Variants in BAZ1B observed in about 807,000 individuals in gnomAD.
BAZ1B encodes the protein tyrosine-protein kinase BAZ1B.
BAZ1B carries 22 observed loss-of-function variants against 153.8 expected under a neutral mutation model. That is an observed-to-expected ratio of 0.14 (90% CI 0.10 to 0.20). The LOEUF is 0.20. Among genes scored for constraint, BAZ1B ranks in the 10% least tolerant of loss-of-function variants. BAZ1B has a pLI of 1.00. For missense variants in BAZ1B, 1,325 were observed against 1,799.3 expected (o/e 0.74, Z 4.77); for synonymous variants, 676 against 633.4 (o/e 1.07, Z -1.01).
At chr7:73,488,847 G>A (rs1190357961) in intron 6 of BAZ1B, among the ~76,000 whole-genome samples, 7 of 151,820 alleles carry the variant, frequency 4.6e-5, no homozygotes, top group Non-Finnish European at 7.4e-5. Flanking sequence ...CATCTTGTCC[G>A]ACATGCAAAA....
intron 10 of BAZ1B, 23 bp downstream of exon 10, chr7:73,466,273 A>AT: frequency 6.6e-7 from 1 of 1,526,340 alleles, no homozygotes; most frequent in Non-Finnish European, 9.1e-7. Flanking sequence ...AAGAAAGAGC[A>AT]ACCAGATGAA....
At chr7:73,504,288 G>A (rs1261415407) in intron 3 of BAZ1B, among the ~76,000 whole-genome samples, 2 of 152,164 alleles carry the variant, frequency 1.3e-5, no homozygotes, top group African/African-American at 4.8e-5. Flanking sequence ...CCAGGCCAAG[G>A]TGGGAGGATC....
chr7:73,464,140 C>G, intron 11 of BAZ1B: 1 of 984,884 alleles, frequency 1.0e-6, no homozygotes, highest in Non-Finnish European at 1.2e-6. Flanking sequence ...TCGCAAAAGT[C>G]TGGCAATGGT....
chr7:73,449,979 T>C (rs534784456), intron 14 of BAZ1B, among the ~76,000 whole-genome samples: 30 of 151,470 alleles, frequency 2.0e-4, no homozygotes, highest in Non-Finnish European at 1.2e-4. Flanking sequence ...CAAGTGAGAG[T>C]AGGAAATTTT....
intron 13 of BAZ1B, among the ~76,000 whole-genome samples, chr7:73,452,456 G>A (rs1554568499): frequency 2.0e-5 from 3 of 152,148 alleles, no homozygotes. Context: ...GGGCGTGGTG[G>A]CTCACACCTA....
intron 13 of BAZ1B, among the ~76,000 whole-genome samples, chr7:73,452,336 C>A (rs1788050590): frequency 6.6e-6 from 1 of 152,130 alleles, no homozygotes; most frequent in Non-Finnish European, 1.5e-5. Flanking sequence ...CATTCATCAG[C>A]TGACAGTTAC....
chr7:73,463,229 T>C lies in BAZ1B; in HGVS notation c.3072-130A>G. The C allele has an allele frequency of 3.5e-6, 3 of 856,858 alleles. No homozygotes were observed. In the South Asian group the frequency reaches 5.4e-5, roughly 15 times the overall value. The allele number at this position is 856,858 out of a possible 1,614,324, so 53.1% of individuals were successfully genotyped here. On this transcript the variant is annotated intron_variant, in intron 11 of 19. Transcript: ENST00000339594. ...TCTCTTTCACCTCTCCCTGGTGTTT[T>C]TTCTTTTTTCTTTTTTTTTTTTTTT...
At chr7:73,502,290 T>C (rs1388341609) in intron 3 of BAZ1B, among the ~76,000 whole-genome samples, 2 of 152,254 alleles carry the variant, frequency 1.3e-5, no homozygotes, top group African/African-American at 2.4e-5. Context: ...CATCAATAAA[T>C]ATCTGGGATA....
chr7:73,479,433 GGGA>G (rs782266585), intron 6 of BAZ1B, among the ~76,000 whole-genome samples: 16 of 150,738 alleles, frequency 1.1e-4, no homozygotes, highest in Middle Eastern at 3.2e-3. Flanking sequence ...GCTTGAACCC[GGGA>G]GGAGGAGGGT....
At chr7:73,472,336 G>C (rs946381644) in intron 7 of BAZ1B, among the ~76,000 whole-genome samples, 1 of 151,234 alleles carries the variant, frequency 6.6e-6, no homozygotes, top group South Asian at 2.1e-4. Flanking sequence ...TCGCCTCACC[G>C]CAACCTCCGC....
intron 1 of BAZ1B, among the ~76,000 whole-genome samples, chr7:73,515,145 A>G (rs1790746035): frequency 6.6e-6 from 1 of 152,220 alleles, no homozygotes. Flanking sequence ...AAGAATATAC[A>G]GTCCTCTATT....
At position 73,464,850 on chromosome 7, in the gene BAZ1B, C is replaced by A. The variant is rs1788521199; in HGVS notation, c.3071+589G>T. 3.3e-5 allele frequency among the ~76,000 whole-genome samples: 5 copies of A among 152,168 alleles called. No individual in the cohort carries two copies. In the South Asian group the frequency reaches 1.0e-3, roughly 32 times the overall value. Reference sequence around the variant, plus strand: ...AAGTGATCAACTCAGCTCAGCCTCCCAAGTAGCTAAGACTACATACACAAA... The same window carrying A: ...AAGTGATCAACTCAGCTCAGCCTCCAAAGTAGCTAAGACTACATACACAAA... On this transcript the variant is annotated intron_variant, in intron 11 of 19. Transcript: ENST00000339594.
At chr7:73,489,044 A>T in intron 6 of BAZ1B, 150 bp downstream of exon 6, 2 of 719,456 alleles carry the variant, frequency 2.8e-6, no homozygotes, top group Non-Finnish European at 4.5e-6. Context: ...ACCTCACATA[A>T]CAACCTGTAT....
chr7:73,492,941 T>C lies in BAZ1B; in HGVS notation c.572-20A>G. On this transcript the variant is annotated intron_variant, in intron 4 of 19. Coordinates refer to ENST00000339594, the MANE Select transcript of BAZ1B (RefSeq NM_032408.4). Reference sequence around the variant, plus strand: ...TGTCATCTAGTCAAATCATAGAAAATTAGTGAAAAACGTAATTATTTTAAT... The same window carrying C: ...TGTCATCTAGTCAAATCATAGAAAACTAGTGAAAAACGTAATTATTTTAAT... 1 of 1,572,858 alleles carries C rather than the reference T, an allele frequency of 6.4e-7. No homozygotes were observed. The highest frequency in any genetic ancestry group is 8.6e-7 in the Non-Finnish European group (1 of 1,166,702).
intron 3 of BAZ1B, among the ~76,000 whole-genome samples, chr7:73,499,331 A>AT (rs1277823487): frequency 3.3e-5 from 5 of 151,960 alleles, no homozygotes; most frequent in African/African-American, 9.7e-5. Flanking sequence ...CCTGGCCTAC[A>AT]TTTTAAAAAA....
intron 1 of BAZ1B, among the ~76,000 whole-genome samples, chr7:73,515,814 T>C (rs1790776038): frequency 6.6e-6 from 1 of 152,106 alleles, no homozygotes. Context: ...AGTGCTGGCA[T>C]GAACAACCAT....
chr7:73,476,281 A>G lies in BAZ1B; in HGVS notation c.2593+587T>C, dbSNP rs561074180. On this transcript the variant is annotated intron_variant, in intron 7 of 19. Coordinates refer to ENST00000339594, the MANE Select transcript of BAZ1B (RefSeq NM_032408.4). ...TACTGAAAACACTAAATTATACACA[A>G]TAAGTGAACTAATTATACTGTATGT... 3.9e-5 allele frequency among the ~76,000 whole-genome samples: 6 copies of G among 152,320 alleles called. No individual in the cohort carries two copies. In the South Asian group the frequency reaches 1.2e-3, roughly 32 times the overall value.
At chr7:73,465,003 G>A (rs561596632) in intron 11 of BAZ1B, among the ~76,000 whole-genome samples, 7 of 152,080 alleles carry the variant, frequency 4.6e-5, no homozygotes, top group East Asian at 1.9e-4. Context: ...TCAAAGTGCC[G>A]GGATTACAGG....
At chr7:73,454,423 T>A (rs1479862552) in intron 13 of BAZ1B, among the ~76,000 whole-genome samples, 1 of 152,202 alleles carries the variant, frequency 6.6e-6, no homozygotes, top group Non-Finnish European at 1.5e-5. Context: ...TTATCTAAAC[T>A]GAATTTTCTT....
Sources: allele counts gnomAD v4.1 joint callset (sites outside exome capture counted in the v4.1 genomes callset), GRCh38; gene constraint gnomAD v4.1.1; transcripts MANE v1.5; gene names NCBI Gene and HGNC (gene_info 2026-07-23, HGNC 2026-07-21).